The following TENM2 variants were observed in gnomAD, a reference collection of about 807,000 sequenced individuals.
TENM2 encodes teneurin-2.
Under a neutral mutation model 245.2 loss-of-function variants are expected in TENM2, and 52 were observed. The ratio of observed to expected loss-of-function variants is 0.21; its 90% CI spans 0.17 to 0.27. The LOEUF is 0.27. Among genes scored for constraint, TENM2 ranks in the 10% least tolerant of loss-of-function variants. The pLI, the probability that TENM2 is intolerant of heterozygous loss-of-function variation, is 1.00. For synonymous variants in TENM2, 1,363 were observed against 1,438.9 expected, an observed-to-expected ratio of 0.95 and a Z score of 1.19; for missense variants, 3,046 against 3,666.8, an observed-to-expected ratio of 0.83 and a Z score of 4.37.
At chr5:167,597,301 A>G (rs182182686) in intron 2 of TENM2, among the ~76,000 whole-genome samples, 40 of 151,568 alleles carry the variant, frequency 2.6e-4, no homozygotes, top group African/African-American at 9.4e-4. Flanking sequence ...AGTAGCTGGG[A>G]CTACAAGGCA....
intron 4 of TENM2, among the ~76,000 whole-genome samples, chr5:167,967,882 T>C (rs1468923388): frequency 6.6e-6 from 1 of 152,204 alleles, no homozygotes; most frequent in Non-Finnish European, 1.5e-5. Context: ...AGAGGATATT[T>C]TATCTGGCTC....
At chr5:167,759,331 G>C (rs1051713082) in intron 2 of TENM2, among the ~76,000 whole-genome samples, 1 of 151,936 alleles carries the variant, frequency 6.6e-6, no homozygotes. Context: ...GTTCATAAGT[G>C]CTCAGCACAT....
intron 2 of TENM2, among the ~76,000 whole-genome samples, chr5:167,395,600 G>T (rs1054875384): frequency 3.9e-5 from 6 of 152,112 alleles, no homozygotes; most frequent in Non-Finnish European, 7.4e-5. Flanking sequence ...AAAGTTTTTG[G>T]TTTTTACAAA....
At chr5:167,745,527 C>G (rs115422317) in intron 2 of TENM2, among the ~76,000 whole-genome samples, 8 of 152,154 alleles carry the variant, frequency 5.3e-5, no homozygotes, top group African/African-American at 1.2e-4. Flanking sequence ...AAGTATAATT[C>G]ACATACCATA....
At chr5:167,467,566 A>T (rs1234227910) in intron 2 of TENM2, among the ~76,000 whole-genome samples, 3 of 151,806 alleles carry the variant, frequency 2.0e-5, no homozygotes, top group Admixed American at 1.3e-4. Flanking sequence ...GGATCTTCAA[A>T]GATGCCTTTT....
At chr5:168,158,244 A>G (rs1336841546) in intron 12 of TENM2, among the ~76,000 whole-genome samples, 4 of 152,066 alleles carry the variant, frequency 2.6e-5, no homozygotes, top group African/African-American at 7.2e-5. Flanking sequence ...TTGGAATGTG[A>G]CAGAACTAGC....
intron 2 of TENM2, among the ~76,000 whole-genome samples, chr5:167,509,678 C>T (rs1769795999): frequency 6.6e-6 from 1 of 152,242 alleles, no homozygotes; most frequent in Middle Eastern, 3.4e-3. Context: ...GTAATAAGAG[C>T]GAACATTGAC....
At chr5:167,531,893 T>C (rs1319451673) in intron 2 of TENM2, among the ~76,000 whole-genome samples, 1 of 152,212 alleles carries the variant, frequency 6.6e-6, no homozygotes. Context: ...ATAAACCTTA[T>C]TACCCAGCAC....
chr5:168,157,458 C>T (rs1201966540), intron 12 of TENM2, among the ~76,000 whole-genome samples: 2 of 151,994 alleles, frequency 1.3e-5, no homozygotes, highest in African/African-American at 2.4e-5. Flanking sequence ...TAGGAGGTTT[C>T]GACAAGCATC....
chr5:167,388,032 T>C (rs1275532828), intron 2 of TENM2, among the ~76,000 whole-genome samples: 1 of 152,190 alleles, frequency 6.6e-6, no homozygotes, highest in Non-Finnish European at 1.5e-5. Flanking sequence ...ACTGGCTTCA[T>C]AGAATAATAT....
intron 2 of TENM2, among the ~76,000 whole-genome samples, chr5:167,387,076 G>A (rs902514252): frequency 1.3e-5 from 2 of 152,096 alleles, no homozygotes; most frequent in African/African-American, 4.8e-5. Flanking sequence ...GAATTGCATT[G>A]AATTTGTAGA....
chr5:167,494,789 G>T (rs1373916367), intron 2 of TENM2, among the ~76,000 whole-genome samples: 1 of 152,040 alleles, frequency 6.6e-6, no homozygotes, highest in African/African-American at 2.4e-5. Context: ...ACCTTAGTCT[G>T]TTATGAGCAA....
intron 2 of TENM2, among the ~76,000 whole-genome samples, chr5:167,863,600 T>G (rs1772034431): frequency 6.6e-6 from 1 of 152,134 alleles, no homozygotes; most frequent in East Asian, 1.9e-4. Flanking sequence ...GCTGAGATTG[T>G]GCCACTGTAC....
chr5:167,213,059 G>T, the TENM2 span, among the ~76,000 whole-genome samples: 5 of 152,294 alleles, frequency 3.3e-5, no homozygotes, highest in African/African-American at 1.2e-4. Flanking sequence ...CAGACCAGAT[G>T]AATTATAATC....
chr5:167,035,331 C>T, the TENM2 span, among the ~76,000 whole-genome samples: 1 of 152,040 alleles, frequency 6.6e-6, no homozygotes, highest in Non-Finnish European at 1.5e-5. Flanking sequence ...GAGTGATCCT[C>T]GAAATTTCAT....
At chr5:168,182,258 C>A (rs952966301) in intron 13 of TENM2, among the ~76,000 whole-genome samples, 1 of 152,166 alleles carries the variant, frequency 6.6e-6, no homozygotes, top group Non-Finnish European at 1.5e-5. Context: ...TTCAATTATC[C>A]TCACTTCCAA....
chr5:167,068,004 G>A, the TENM2 span, among the ~76,000 whole-genome samples: 3 of 152,178 alleles, frequency 2.0e-5, no homozygotes, highest in Non-Finnish European at 2.9e-5. Flanking sequence ...CACAGCACAT[G>A]GTGGGTTCTG....
chr5:167,558,124 A>G (rs1003235328), intron 2 of TENM2, among the ~76,000 whole-genome samples: 12 of 152,126 alleles, frequency 7.9e-5, no homozygotes, highest in African/African-American at 2.4e-4. Context: ...GCCCGTCAGA[A>G]CAGACACTGT....
chr5:168,102,883 AT>A (rs913241129), intron 9 of TENM2, among the ~76,000 whole-genome samples: 3 of 152,118 alleles, frequency 2.0e-5, no homozygotes, highest in Non-Finnish European at 4.4e-5. Context: ...GGTAAATTCT[AT>A]TTTTTTTAAT....
Sources: gnomAD v4.1 joint callset for allele counts (sites outside exome capture counted in the v4.1 genomes callset) on GRCh38, gnomAD v4.1.1 for gene constraint, MANE v1.5 for transcripts, NCBI Gene and HGNC (gene_info 2026-07-23, HGNC 2026-07-21) for gene names.